Variants in UBAP1 observed in about 807,000 individuals in gnomAD.
UBAP1 encodes ubiquitin associated protein 1.
In UBAP1, 5 loss-of-function variants were observed where a neutral mutation model predicts 39.0. That is an observed-to-expected ratio of 0.13 (90% confidence interval 0.07 to 0.27). UBAP1 has a LOEUF of 0.27. Among genes scored for constraint, UBAP1 ranks in the 10% least tolerant of loss-of-function variants. The pLI is 1.00. For missense variants in UBAP1, 490 were observed against 608.1 expected, an observed-to-expected ratio of 0.81 and a Z score of 2.04; for synonymous variants, 211 against 225.1, an observed-to-expected ratio of 0.94 and a Z score of 0.56.
rs1038566801 is a variant in UBAP1, at chr9:34,242,045, G to A, written c.1020G>A (p.Met340Ile). The change falls in exon 4 of 7, where the codon ATG becomes ATA. Residue 340 changes from methionine to isoleucine, a missense_variant. Met to Ile is a conservative substitution (Grantham distance 10). Around this residue, in one of 3 missense-constraint regions of UBAP1, gnomAD observed 339 missense variants for 390.0 expected, o/e 0.87. Coordinates refer to ENST00000297661, the MANE Select transcript of UBAP1 (RefSeq NM_016525.5). ...TGCCAGCCCTGACATCCTCCCAGATGCCTTCCCTCTCTGTTTTGTCTGTGT... is the reference window on the plus strand; with the variant it reads ...TGCCAGCCCTGACATCCTCCCAGATACCTTCCCTCTCTGTTTTGTCTGTGT... Reference protein sequence around the residue: ...TEMPALTSSQMPSLSVLSVCT... With the variant: ...TEMPALTSSQIPSLSVLSVCT... 6.2e-7 allele frequency: 1 copy of A among 1,613,918 alleles called. No individual in the cohort carries two copies. The highest frequency in any genetic ancestry group is 8.5e-7 in the Non-Finnish European group (1 of 1,179,900).
At chr9:34,180,304 C>G (rs1829942521) in intron 1 of UBAP1, among the ~76,000 whole-genome samples, 1 of 152,068 alleles carries the variant, frequency 6.6e-6, no homozygotes. Context: ...ATCACGAGGT[C>G]AAGAGTTCAA....
intron 1 of UBAP1, among the ~76,000 whole-genome samples, chr9:34,195,297 T>C (rs1008368481): frequency 6.6e-6 from 1 of 152,148 alleles, no homozygotes; most frequent in African/African-American, 2.4e-5. Context: ...AGTTTTATAC[T>C]TTCAGGTTTG....
At chr9:34,211,142 TTC>T (rs1379758587) in intron 1 of UBAP1, among the ~76,000 whole-genome samples, 1 of 147,262 alleles carries the variant, frequency 6.8e-6, no homozygotes, top group African/African-American at 2.5e-5. Context: ...CCTTCATTTA[TTC>T]TCTCATTATA....
chr9:34,219,513 T>C (rs1409077948), intron 1 of UBAP1, among the ~76,000 whole-genome samples: 3 of 152,054 alleles, frequency 2.0e-5, no homozygotes, highest in Non-Finnish European at 4.4e-5. Flanking sequence ...GAGGCAACCA[T>C]TGTAAATATT....
At chr9:34,187,471 G>A (rs1426525119) in intron 1 of UBAP1, among the ~76,000 whole-genome samples, 2 of 152,176 alleles carry the variant, frequency 1.3e-5, no homozygotes, top group Non-Finnish European at 2.9e-5. Context: ...GACACCAACA[G>A]ATTTGTGAAT....
At chr9:34,238,881 G>A (rs556491924) in intron 3 of UBAP1, among the ~76,000 whole-genome samples, 3 of 152,192 alleles carry the variant, frequency 2.0e-5, no homozygotes, top group African/African-American at 4.8e-5. Flanking sequence ...CCAAATTGTC[G>A]ATTTAGGCTT....
chr9:34,188,996 C>T (rs954952373), intron 1 of UBAP1, among the ~76,000 whole-genome samples: 1 of 151,820 alleles, frequency 6.6e-6, no homozygotes, highest in African/African-American at 2.4e-5. Flanking sequence ...CTGGCTTTGC[C>T]TGTCTTTTGC....
chr9:34,184,543 A>G (rs1156464774), intron 1 of UBAP1, among the ~76,000 whole-genome samples: 1 of 147,894 alleles, frequency 6.8e-6, no homozygotes, highest in African/African-American at 2.5e-5. Flanking sequence ...AGGCAGGAGA[A>G]TGGCGTGAAC....
intron 2 of UBAP1, 100 bp from the exon 3 acceptor site, chr9:34,234,116 A>C (rs1442746591): frequency 1.0e-5 from 13 of 1,257,450 alleles, no homozygotes; most frequent in Non-Finnish European, 1.3e-5. Flanking sequence ...TTCTAGACTT[A>C]GGATAGCAAA....
intron 1 of UBAP1, among the ~76,000 whole-genome samples, chr9:34,218,291 A>G (rs1427736891): frequency 7.6e-6 from 1 of 131,712 alleles, no homozygotes; most frequent in East Asian, 2.1e-4. Flanking sequence ...AAAAAAAAAA[A>G]AAAGCCAAGC....
intron 1 of UBAP1, among the ~76,000 whole-genome samples, chr9:34,182,864 C>T (rs955009439): frequency 9.9e-5 from 15 of 151,930 alleles, no homozygotes; most frequent in African/African-American, 3.6e-4. Flanking sequence ...GTGCCCACCA[C>T]CACGCCTGGC....
intron 1 of UBAP1, chr9:34,206,238 A>G (rs1831682643): frequency 6.6e-6 from 1 of 152,236 alleles, no homozygotes; most frequent in South Asian, 2.1e-4. Context: ...GTTTGGTTGT[A>G]GACACTAATT....
At chr9:34,180,197 T>C (rs972885115) in intron 1 of UBAP1, among the ~76,000 whole-genome samples, 1 of 152,184 alleles carries the variant, frequency 6.6e-6, no homozygotes, top group African/African-American at 2.4e-5. Flanking sequence ...TAGTTCTTTC[T>C]AGTTAATGTC....
At chr9:34,219,435 A>G (rs1385556769) in intron 1 of UBAP1, among the ~76,000 whole-genome samples, 1 of 152,132 alleles carries the variant, frequency 6.6e-6, no homozygotes, top group East Asian at 1.9e-4. Flanking sequence ...CTACCAAATT[A>G]ATAGATGTTA....
chr9:34,251,469 A>G lies in UBAP1; in HGVS notation c.1446A>G (p.Leu482=), dbSNP rs374691284. ...FELKDIKEVL[L]LHNNDQDNAL... ...TGAAAGACATTAAGGAAGTTTTGCT[A>G]TTACACAACAATGACCAGGACAATG... Residue 482 remains leucine, a synonymous_variant, in exon 7 of 7, where the codon CTA becomes CTG. Transcript: ENST00000297661. The G allele has an allele frequency of 8.7e-6, 14 of 1,614,182 alleles. No homozygotes were observed. Among genetic ancestry groups the G allele is most frequent in the South Asian group, 6.6e-5 (6 of 91,088 alleles).
intron 1 of UBAP1, among the ~76,000 whole-genome samples, chr9:34,205,914 C>T (rs1386037242): frequency 6.6e-6 from 1 of 152,178 alleles, no homozygotes; most frequent in Non-Finnish European, 1.5e-5. Context: ...ATGGCATGAA[C>T]CCCGGAGGTG....
Position 34,241,270 on chromosome 9 carries a change from A to G in UBAP1, c.245A>G (p.Lys82Arg). Residue 82 changes from lysine (K) to arginine (R), a missense_variant, in exon 4 of 7, where the codon AAA (lysine) becomes AGA (arginine). Coordinates refer to ENST00000297661, the MANE Select transcript of UBAP1 (RefSeq NM_016525.5). ...GAAGCCGAGCGGGAAGCAGAGTGCA[A>G]AATTGCGGAAGCAGAAGCTAAAGTG... ...IEEAEREAEC[K>R]IAEAEAKVNS... 3.3e-6 allele frequency: 5 copies of G among 1,507,264 alleles called. No homozygotes were observed. Among genetic ancestry groups the G allele is most frequent in the Non-Finnish European group, 4.4e-6 (5 of 1,129,214 alleles). The allele number at this position is 1,507,264 out of a possible 1,614,324, so 93.4% of individuals were successfully genotyped here.
At position 34,252,079 on chromosome 9, in the gene UBAP1, AC is replaced by A. The variant is rs1834573762; in HGVS notation, c.*548del. The A allele has an allele frequency of 6.5e-6, 1 of 152,732 alleles. No individual in the cohort carries two copies. The allele number at this position is 152,732 out of a possible 1,614,324, so 9.5% of individuals were successfully genotyped here. On this transcript the variant is annotated 3_prime_UTR_variant, in exon 7 of 7. Transcript: ENST00000297661. ...AATATCTCTGAGGTGCAAAGAATGC[AC>A]TTTTCCCTATGGGGCCCAGAGTTTG... is the stretch of plus-strand genomic sequence containing the variant.
chr9:34,209,480 G>A (rs888443117), intron 1 of UBAP1, among the ~76,000 whole-genome samples: 2 of 151,998 alleles, frequency 1.3e-5, no homozygotes, highest in African/African-American at 4.8e-5. Context: ...TATGTTATTT[G>A]GGGCAATTCA....
Sources: gnomAD v4.1 joint callset for allele counts (sites outside exome capture counted in the v4.1 genomes callset) on GRCh38, gnomAD v4.1.1 for gene constraint, gnomAD v4.1.1 regional missense constraint, MANE v1.5 for transcripts, NCBI Gene and HGNC (gene_info 2026-07-23, HGNC 2026-07-21) for gene names.